Variants in C1orf21 observed in about 807,000 individuals in gnomAD.
C1orf21 encodes the protein uncharacterized protein C1orf21.
Under a neutral mutation model 18.7 loss-of-function variants are expected in C1orf21, and 3 were observed. The ratio of observed to expected loss-of-function variants is 0.16; its 90% CI spans 0.07 to 0.42. The LOEUF (loss-of-function observed/expected upper bound fraction) is 0.42. Among genes scored for constraint, C1orf21 ranks in the 10% least tolerant of loss-of-function variants. C1orf21 has a pLI of 0.99. For missense variants in C1orf21, 104 were observed against 143.6 expected, an observed-to-expected ratio of 0.72 and a Z score of 1.41; for synonymous variants, 41 against 46.4, an observed-to-expected ratio of 0.88 and a Z score of 0.47.
In C1orf21 at chr1:184,626,030, T is replaced by C. The variant is rs2102017704; in HGVS notation, c.*6474T>C. ...CTAACCCCAGTGTGTGGAGTTGGGG[T>C]CCCTTCATCTAGGTTGACCCAGGTA... On this transcript the variant is annotated 3_prime_UTR_variant, in exon 6 of 6. Coordinates refer to ENST00000235307, the MANE Select transcript of C1orf21 (RefSeq NM_030806.4). The C allele has an allele frequency of 1.3e-5, 2 of 152,208 alleles. 1 individual carries two copies. Among genetic ancestry groups the C allele is most frequent in the East Asian group, 3.9e-4 (2 of 5,182 alleles). 9.4% of individuals were successfully genotyped at this position (152,208 alleles called of 1,614,324 possible). A position where few individuals can be genotyped will look rare whatever the true frequency, so the allele number is the denominator to read the frequency against.
At chr1:184,612,605 C>T (rs1220423591) in intron 5 of C1orf21, among the ~76,000 whole-genome samples, 1 of 151,996 alleles carries the variant, frequency 6.6e-6, no homozygotes, top group Non-Finnish European at 1.5e-5. Context: ...GCATGCTACT[C>T]GGGAGGCGAA....
chr1:184,545,147 C>G (rs1464514003), intron 3 of C1orf21, among the ~76,000 whole-genome samples: 1 of 152,150 alleles, frequency 6.6e-6, no homozygotes, highest in Admixed American at 6.5e-5. Flanking sequence ...GGGGTCCTTG[C>G]AGGCCATCTT....
At chr1:184,479,297 T>C (rs1015508645) in intron 2 of C1orf21, among the ~76,000 whole-genome samples, 7 of 152,342 alleles carry the variant, frequency 4.6e-5, no homozygotes, top group Admixed American at 4.6e-4. Context: ...GAAAATAATC[T>C]AACATCAGGG....
chr1:184,499,951 C>T (rs1429718031), intron 2 of C1orf21, among the ~76,000 whole-genome samples: 4 of 152,176 alleles, frequency 2.6e-5, no homozygotes, highest in African/African-American at 4.8e-5. Flanking sequence ...CCTGCGACTT[C>T]AAGAGTCCCA....
At chr1:184,612,825 T>C (rs1183539385) in intron 5 of C1orf21, among the ~76,000 whole-genome samples, 1 of 152,230 alleles carries the variant, frequency 6.6e-6, no homozygotes, top group Non-Finnish European at 1.5e-5. Context: ...TATAGTACAC[T>C]AAGATATTTT....
At chr1:184,546,105 C>G (rs946189158) in intron 3 of C1orf21, 2 of 152,228 alleles carry the variant, frequency 1.3e-5, no homozygotes, top group African/African-American at 4.8e-5. Flanking sequence ...TACAGCATAT[C>G]TATGGCTTTC....
Position 184,620,082 on chromosome 1 carries a change from C to G in C1orf21, c.*526C>G, listed in dbSNP as rs904505804. ...GAGATGGGATGGTTGCTATGCCAAG[C>G]CTTGTTTCTCTGCTCAGAAGAAGTA... On this transcript the variant is annotated 3_prime_UTR_variant, in exon 6 of 6. Transcript: ENST00000235307. 1.3e-5 allele frequency: 2 copies of G among 152,900 alleles called. No individual in the cohort carries two copies. Among genetic ancestry groups the G allele is most frequent in the Non-Finnish European group, 2.9e-5 (2 of 68,300 alleles). The allele number at this position is 152,900 out of a possible 1,614,324, so 9.5% of individuals were successfully genotyped here. A position where few individuals can be genotyped will look rare whatever the true frequency, so the allele number is the denominator to read the frequency against.
At chr1:184,396,828 C>A (rs1003232959) in intron 1 of C1orf21, among the ~76,000 whole-genome samples, 1 of 152,124 alleles carries the variant, frequency 6.6e-6, no homozygotes, top group Non-Finnish European at 1.5e-5. Flanking sequence ...CTAATAACAT[C>A]CCCCCACCGC....
rs116249453 is a variant in C1orf21, at chr1:184,594,201, A to G, written c.266+3386A>G. Among the ~76,000 whole-genome samples the G allele has an allele frequency of 4.3e-3, 652 of 152,350 alleles. 5 individuals carry two copies. The highest frequency in any genetic ancestry group is 0.01 in the Middle Eastern group (3 of 294). On this transcript the variant is annotated intron_variant, in intron 4 of 5. Coordinates refer to ENST00000235307, the MANE Select transcript of C1orf21 (RefSeq NM_030806.4). ...AGTCTGTCACAGAATGAGGGTTAGG[A>G]TGAATCTACTTCCCTGAGGTCCAGT... is the stretch of plus-strand genomic sequence containing the variant.
Position 184,477,614 on chromosome 1 carries a change from T to C in C1orf21, c.94+11T>C. On this transcript the variant is annotated intron_variant, in intron 2 of 5. Coordinates refer to ENST00000235307, the MANE Select transcript of C1orf21 (RefSeq NM_030806.4). ...GAGATGTGTTTGGCGGTGAGTCCTA[T>C]CAAACTTGACTCTTGACCCATTGAT... 1 of 1,610,810 alleles carries C rather than the reference T, an allele frequency of 6.2e-7. No homozygotes were observed. The highest frequency in any genetic ancestry group is 2.2e-5 in the East Asian group (1 of 44,820).
At chr1:184,411,902 G>C (rs1298660333) in intron 1 of C1orf21, 2 of 152,208 alleles carry the variant, frequency 1.3e-5, no homozygotes, top group African/African-American at 4.8e-5. Flanking sequence ...ATTATGCAGA[G>C]ATGATTGTAT....
intron 1 of C1orf21, among the ~76,000 whole-genome samples, chr1:184,461,570 T>C (rs1331196615): frequency 3.3e-5 from 5 of 152,220 alleles, no homozygotes; most frequent in Admixed American, 3.3e-4. Context: ...GTCTTGTAGA[T>C]TGATGACCTT....
intron 2 of C1orf21, among the ~76,000 whole-genome samples, chr1:184,504,489 G>A (rs770430434): frequency 7.9e-5 from 12 of 152,144 alleles, no homozygotes; most frequent in African/African-American, 2.2e-4. Context: ...TTTTACTGTC[G>A]TAACCCAAAA....
chr1:184,495,469 A>C (rs1657877823), intron 2 of C1orf21, among the ~76,000 whole-genome samples: 1 of 152,120 alleles, frequency 6.6e-6, no homozygotes, highest in African/African-American at 2.4e-5. Context: ...CCCCCAGATA[A>C]TTTCCCATTC....
At chr1:184,594,023 C>T (rs921675615) in intron 4 of C1orf21, among the ~76,000 whole-genome samples, 4 of 152,128 alleles carry the variant, frequency 2.6e-5, no homozygotes, top group African/African-American at 4.8e-5. Flanking sequence ...GGAACACACA[C>T]GCAGATGGGA....
intron 5 of C1orf21, among the ~76,000 whole-genome samples, chr1:184,618,566 A>G (rs903501992): frequency 1.2e-4 from 18 of 152,328 alleles, no homozygotes; most frequent in Middle Eastern, 3.4e-3. Context: ...AAATAGTTAT[A>G]TGCAAAATTA....
At chr1:184,449,254 G>A (rs1657082522) in intron 1 of C1orf21, among the ~76,000 whole-genome samples, 1 of 139,296 alleles carries the variant, frequency 7.2e-6, no homozygotes, top group South Asian at 2.2e-4. Context: ...CTGTGTCCAT[G>A]TGTTCTCATT....
rs34169321 is a variant in C1orf21, at chr1:184,547,420, CT to C, written c.189+39758del. Among the ~76,000 whole-genome samples the C allele has an allele frequency of 9.6e-3, 990 of 102,944 alleles. 4 individuals carry two copies. The highest frequency in any genetic ancestry group is 0.032 in the South Asian group (110 of 3,390). 67.5% of individuals were successfully genotyped at this position (102,944 alleles called of 152,430 possible). On this transcript the variant is annotated intron_variant, in intron 3 of 5. Coordinates refer to ENST00000235307, the MANE Select transcript of C1orf21 (RefSeq NM_030806.4). ...CTTGCCATTTAAAGATACATCCAGA[CT>C]TTTTTTTTTTTTTTTTTTTGGTCTC...
chr1:184,499,895 A>AT (rs1172223413), intron 2 of C1orf21, among the ~76,000 whole-genome samples: 2 of 152,204 alleles, frequency 1.3e-5, no homozygotes, highest in Non-Finnish European at 2.9e-5. Flanking sequence ...GTGGTTACCA[A>AT]GGATAACAGG....
Sources: gnomAD v4.1 joint callset for allele counts (sites outside exome capture counted in the v4.1 genomes callset) on GRCh38, gnomAD v4.1.1 for gene constraint, MANE v1.5 for transcripts, NCBI Gene and HGNC (gene_info 2026-07-23, HGNC 2026-07-21) for gene names.